GSTA2: variants seen among roughly 807,000 people sequenced by gnomAD.
GSTA2 encodes the protein glutathione S-transferase alpha 2, also known as glutathione S-transferase A2.
GSTA2 carries 27 observed loss-of-function variants against 22.4 expected under a neutral mutation model. The observed-to-expected ratio is 1.21, with a 90% CI of 0.89 to 1.67. GSTA2 has a LOEUF of 1.67. GSTA2 is among the 40% of genes most tolerant of loss of function. The probability of loss-of-function intolerance (pLI) is 0.00; values close to 1 mark genes in which losing one functional copy is unlikely to be tolerated. For synonymous variants in GSTA2, 121 were observed against 86.8 expected (o/e 1.39, Z -2.19); for missense variants, 302 against 260.2 (o/e 1.16, Z -1.11).
intron 5 of GSTA2, 28 bp downstream of exon 5, chr6:52,752,826 C>T (rs768002765): frequency 6.2e-7 from 1 of 1,612,634 alleles, no homozygotes; most frequent in Non-Finnish European, 8.5e-7. Context: ...AAACTCAGTT[C>T]CCCAAAACAC....
At position 52,754,939 on chromosome 6, in the gene GSTA2, G is replaced by C. The variant is rs368010063; in HGVS notation, c.272+4C>G. On this transcript the variant is annotated splice_donor_region_variant and intron_variant, in intron 4 of 6. Coordinates refer to ENST00000493422, the MANE Select transcript of GSTA2 (RefSeq NM_000846.5). Reference sequence around the variant, plus strand: ...TGGATGGAAGAACAGAAAATATACCGTACAGGGCTTTCTCCTTTATGTCTT... The same window carrying C: ...TGGATGGAAGAACAGAAAATATACCCTACAGGGCTTTCTCCTTTATGTCTT... The C allele has an allele frequency of 1.2e-6, 2 of 1,613,068 alleles. No homozygotes were observed. The highest frequency in any genetic ancestry group is 1.3e-5 in the African/African-American group (1 of 74,964).
At chr6:52,756,340 T>A in intron 2 of GSTA2, 31 bp from the exon 3 acceptor site, 1 of 1,530,156 alleles carries the variant, frequency 6.5e-7, no homozygotes, top group Non-Finnish European at 9.1e-7. Context: ...TATGTTCTTG[T>A]TAGTTCATTC....
chr6:52,761,284 C>G lies in GSTA2; in HGVS notation c.-31+2160G>C, dbSNP rs544719098. On this transcript the variant is annotated intron_variant, in intron 1 of 6. Coordinates refer to ENST00000493422, the MANE Select transcript of GSTA2 (RefSeq NM_000846.5). ...CATGGATCTTCTTTCTTTGATCTAT[C>G]TATCCACCAATTATTTTACCAACCA... 5.3e-5 allele frequency among the ~76,000 whole-genome samples: 8 copies of G among 152,272 alleles called. No homozygotes were observed. The East Asian group carries it at 1.5e-3, about 29-fold the overall frequency.
At position 52,751,585 on chromosome 6, in the gene GSTA2, G is replaced by C; in HGVS notation, c.538C>G (p.Leu180Val). The change falls in exon 6 of 7, where the codon CTG (leucine) becomes GTG (valine). Residue 180 changes from leucine (L) to valine (V), a missense_variant. Transcript: ENST00000493422. ...ACTGTGAAATGGGTCACCTTCAGCA[G>C]AGGGAAGCTGGAAATAAGGCTAGAG... is the stretch of plus-strand genomic sequence containing the variant. ...LDSSLISSFP[L>V]LKALKTRISN... is the part of the protein sequence containing the mutation. The C allele has an allele frequency of 6.2e-7, 1 of 1,614,096 alleles. No individual in the cohort carries two copies. The highest frequency in any genetic ancestry group is 2.2e-5 in the East Asian group (1 of 44,864).
At chr6:52,759,794 G>T (rs28709226) in intron 1 of GSTA2, among the ~76,000 whole-genome samples, 2,679 of 151,968 alleles carry the variant, frequency 0.018, 87 homozygotes, top group African/African-American at 0.06. Context: ...ATGTTGGACA[G>T]TCTGGTCTCG....
chr6:52,759,926 G>A (rs1259411798), intron 1 of GSTA2, among the ~76,000 whole-genome samples: 2 of 152,042 alleles, frequency 1.3e-5, no homozygotes, highest in African/African-American at 2.4e-5. Flanking sequence ...ATTAAAATTA[G>A]GCATCAAAAT....
intron 5 of GSTA2, 41 bp from the exon 6 acceptor site, chr6:52,751,749 C>G: frequency 6.2e-7 from 1 of 1,613,848 alleles, no homozygotes; most frequent in South Asian, 1.1e-5. Context: ...ACATGCCCAC[C>G]CAGGCTGGGA....
chr6:52,758,017 G>C lies in GSTA2; in HGVS notation c.-30-40C>G, dbSNP rs183965512. On this transcript the variant is annotated intron_variant, in intron 1 of 6. Coordinates refer to ENST00000493422, the MANE Select transcript of GSTA2 (RefSeq NM_000846.5). ...GAATGAATGAATGAATAATTGAAAC[G>C]ATAGAATCAAAAATGTACTTTAGGA... 4,786 of 1,145,782 alleles carry C rather than the reference G, an allele frequency of 4.2e-3. 139 individuals carry two copies. In the African/African-American group the frequency reaches 0.062, roughly 15 times the overall value. The allele number at this position is 1,145,782 out of a possible 1,614,324, so 71.0% of individuals were successfully genotyped here.
In GSTA2 at chr6:52,756,191, T is replaced by C; in HGVS notation, c.139+67A>G. On this transcript the variant is annotated intron_variant, in intron 3 of 6. Transcript: ENST00000493422. Reference sequence around the variant, plus strand: ...CCCCACACCCATAGACATTGCCGGCTGCGCAAACCTCCCCGTGTACCTTCT... The same window carrying C: ...CCCCACACCCATAGACATTGCCGGCCGCGCAAACCTCCCCGTGTACCTTCT... The C allele has an allele frequency of 2.8e-6, 3 of 1,078,310 alleles. No homozygotes were observed. The Middle Eastern group carries it at 6.1e-4, about 218-fold the overall frequency. 66.8% of individuals were successfully genotyped at this position (1,078,310 alleles called of 1,614,324 possible).
intron 4 of GSTA2, among the ~76,000 whole-genome samples, chr6:52,753,492 G>T (rs1213413232): frequency 6.6e-6 from 1 of 152,044 alleles, no homozygotes; most frequent in East Asian, 1.9e-4. Flanking sequence ...CAGCTCCCAG[G>T]GCTGCTTCTA....
intron 6 of GSTA2, among the ~76,000 whole-genome samples, chr6:52,750,990 C>A (rs922261035): frequency 3.3e-5 from 5 of 152,168 alleles, no homozygotes; most frequent in Non-Finnish European, 7.3e-5. Context: ...ACAAGAAAAA[C>A]TAATGTGCTT....
rs190967828 is a variant in GSTA2 at position 52,758,012 on chromosome 6, G to T, written c.-30-35C>A. On this transcript the variant is annotated intron_variant, in intron 1 of 6. Coordinates refer to ENST00000493422, the MANE Select transcript of GSTA2 (RefSeq NM_000846.5). The stretch of plus-strand genomic sequence containing the variant: ...TGAATGAATGAATGAATGAATAATT[G>T]AAACGATAGAATCAAAAATGTACTT... The T allele has an allele frequency of 4.0e-3, 4,913 of 1,224,524 alleles. 147 individuals are homozygous for T. The African/African-American group carries it at 0.062, about 15-fold the overall frequency. 75.9% of individuals were successfully genotyped at this position (1,224,524 alleles called of 1,614,324 possible).
intron 1 of GSTA2, among the ~76,000 whole-genome samples, chr6:52,760,348 AG>A (rs1417340375): frequency 6.6e-6 from 1 of 152,194 alleles, no homozygotes; most frequent in African/African-American, 2.4e-5. Context: ...GAGGTTTCCA[AG>A]GGTCAGGCTA....
At chr6:52,754,591 T>C (rs1222924930) in intron 4 of GSTA2, among the ~76,000 whole-genome samples, 1 of 152,166 alleles carries the variant, frequency 6.6e-6, no homozygotes, top group African/African-American at 2.4e-5. Flanking sequence ...CTCTCACATA[T>C]TCTATGCCTG....
chr6:52,754,918 T>G, intron 4 of GSTA2, 25 bp downstream of exon 4: 1 of 1,612,262 alleles, frequency 6.2e-7, no homozygotes, highest in Non-Finnish European at 8.5e-7. Flanking sequence ...TCTCTGTGGA[T>G]GGAAGAACAG....
chr6:52,754,563 C>T (rs1288877988), intron 4 of GSTA2, among the ~76,000 whole-genome samples: 1 of 152,194 alleles, frequency 6.6e-6, no homozygotes, highest in Non-Finnish European at 1.5e-5. Flanking sequence ...TTTCCCTCCC[C>T]AGTCCTTCAT....
rs962376321 is a variant in GSTA2 at position 52,751,630 on chromosome 6, A to G, written c.493T>C (p.Tyr165His). ...RADIHLVELL[Y>H]YVEELDSSLI... is the part of the protein sequence containing the mutation. ...CTAGAGTCAAGCTCTTCCACGTAGT[A>G]GAGAAGTTCCACCAGGTGAATGTCA... Residue 165 changes from tyrosine (Y) to histidine (H), a missense_variant, in exon 6 of 7, where the codon TAC becomes CAC. Physicochemically the swap from Tyr to His is moderately conservative, Grantham distance 83. Coordinates refer to ENST00000493422, the MANE Select transcript of GSTA2 (RefSeq NM_000846.5). 7 of 1,614,000 alleles carry G rather than the reference A, an allele frequency of 4.3e-6. No individual in the cohort carries two copies. Among genetic ancestry groups the G allele is most frequent in the African/African-American group, 1.3e-5 (1 of 74,928 alleles).
intron 1 of GSTA2, among the ~76,000 whole-genome samples, chr6:52,759,975 G>A (rs970413383): frequency 6.6e-6 from 1 of 152,160 alleles, no homozygotes; most frequent in Non-Finnish European, 1.5e-5. Flanking sequence ...GGAGTCAATA[G>A]TTTAACCTTT....
intron 1 of GSTA2, among the ~76,000 whole-genome samples, chr6:52,759,220 G>T (rs1225113430): frequency 2.0e-5 from 3 of 152,212 alleles, no homozygotes; most frequent in Non-Finnish European, 4.4e-5. Flanking sequence ...ATGTGTGCAT[G>T]CTCACTTGGT....
Sources: allele counts gnomAD v4.1 joint callset (sites outside exome capture counted in the v4.1 genomes callset), GRCh38; gene constraint gnomAD v4.1.1; transcripts MANE v1.5; gene names NCBI Gene and HGNC (gene_info 2026-07-23, HGNC 2026-07-21).